TNS3: variants seen among roughly 807,000 people sequenced by gnomAD.
The protein encoded by TNS3 is tensin-3.
TNS3 carries 45 observed loss-of-function variants against 140.9 expected under a neutral mutation model. The ratio of observed to expected loss-of-function variants is 0.32; its 90% CI spans 0.25 to 0.41. The LOEUF (loss-of-function observed/expected upper bound fraction) is 0.41. Ranked by LOEUF, TNS3 falls within the 10% of genes least tolerant of loss-of-function variation. The probability of loss-of-function intolerance (pLI) is 1.00; values close to 1 mark genes in which losing one functional copy is unlikely to be tolerated. For missense variants in TNS3, 1,716 were observed against 1,906.7 expected (o/e 0.90, Z 1.86); for synonymous variants, 815 against 788.4 (o/e 1.03, Z -0.56).
chr7:47,452,794 AG>A (rs781584184), intron 4 of TNS3: 27 of 410,762 alleles, frequency 6.6e-5, no homozygotes, highest in Non-Finnish European at 8.2e-5. Context: ...TTGAAGTGAA[AG>A]GGGAAAAATG....
At chr7:47,553,835 C>G (rs1162325030) in intron 1 of TNS3, among the ~76,000 whole-genome samples, 1 of 151,754 alleles carries the variant, frequency 6.6e-6, no homozygotes, top group Non-Finnish European at 1.5e-5. Flanking sequence ...TTTGCCCAGG[C>G]TGGAGTGCAA....
At chr7:47,510,860 T>TAA (rs34323744) in intron 2 of TNS3, among the ~76,000 whole-genome samples, 47,355 of 127,928 alleles carry the variant, frequency 0.37, 9,675 homozygotes, top group Non-Finnish European at 0.48. Context: ...AGACTGTCTT[T>TAA]AAAAAAAAAA....
At chr7:47,413,855 G>A (rs549488353) in intron 12 of TNS3, 82 bp downstream of exon 12, 44 of 1,542,326 alleles carry the variant, frequency 2.9e-5, no homozygotes, top group Admixed American at 1.7e-4. Flanking sequence ...CTCTTCCTGC[G>A]GGACAGGCAG....
intron 17 of TNS3, among the ~76,000 whole-genome samples, chr7:47,357,887 A>G (rs963823387): frequency 5.9e-5 from 9 of 152,240 alleles, no homozygotes; most frequent in Non-Finnish European, 5.9e-5. Flanking sequence ...ATACGTCCAC[A>G]CAACGAAGCC....
chr7:47,389,110 A>T (rs59646813), intron 16 of TNS3, among the ~76,000 whole-genome samples: 87 of 6,578 alleles, frequency 0.013, 24 homozygotes, highest in Middle Eastern at 0.1. Flanking sequence ...AAGCGGAAGC[A>T]GAAGAAGAAG....
chr7:47,565,067 G>C (rs1800399614), intron 1 of TNS3, among the ~76,000 whole-genome samples: 1 of 151,332 alleles, frequency 6.6e-6, no homozygotes, highest in African/African-American at 2.4e-5. Context: ...CAGAAATGTT[G>C]ATTTTTTTAT....
intron 13 of TNS3, among the ~76,000 whole-genome samples, chr7:47,401,876 GCTGGATT>G (rs1793187009): frequency 6.6e-6 from 1 of 152,234 alleles, no homozygotes; most frequent in Non-Finnish European, 1.5e-5. Flanking sequence ...CCCTGGACAG[GCTGGATT>G]CTGCTCTCAG....
chr7:47,389,154 A>C (rs113706373), intron 16 of TNS3, among the ~76,000 whole-genome samples: 59,005 of 82,458 alleles, frequency 0.72, 27,080 homozygotes, highest in East Asian at 0.83. Context: ...GAAGAAGAAG[A>C]AGCAGAAGAA....
chr7:47,376,391 G>A (rs1002690315), intron 16 of TNS3, among the ~76,000 whole-genome samples: 9 of 152,320 alleles, frequency 5.9e-5, no homozygotes, highest in African/African-American at 1.7e-4. Flanking sequence ...GACAAACAGA[G>A]AGAATTCTGG....
chr7:47,582,119 G>A (rs1030343892), upstream of TNS3: 1 of 151,470 alleles, frequency 6.6e-6, no homozygotes, highest in East Asian at 2.0e-4. Flanking sequence ...AGTAGCGCGC[G>A]GGCGGGCCCG....
At chr7:47,300,838 G>A (rs769158823) in intron 23 of TNS3, among the ~76,000 whole-genome samples, 40 of 152,232 alleles carry the variant, frequency 2.6e-4, no homozygotes, top group African/African-American at 6.5e-4. Context: ...GCATCCGGCC[G>A]CAGAGAGGCC....
intron 1 of TNS3, among the ~76,000 whole-genome samples, chr7:47,572,260 G>C (rs1402486993): frequency 1.3e-5 from 2 of 152,232 alleles, no homozygotes; most frequent in Non-Finnish European, 2.9e-5. Context: ...AGTCATAAAT[G>C]GGAGGGTGAC....
rs192589455 is a variant in TNS3, at chr7:47,410,154, G to A, written c.723+1573C>T. Among the ~76,000 whole-genome samples, 10 of 152,268 alleles carry A rather than the reference G, an allele frequency of 6.6e-5. No individual in the cohort carries two copies. In the East Asian group the frequency reaches 1.9e-3, roughly 29 times the overall value. The stretch of plus-strand genomic sequence containing the variant: ...GGCTGCCTTCTGGACCACAGGATGT[G>A]AGGAACACCAGAGCGGATGTTTCTC... On this transcript the variant is annotated intron_variant, in intron 13 of 30. Coordinates refer to ENST00000311160, the MANE Select transcript of TNS3 (RefSeq NM_022748.12).
At chr7:47,376,337 A>G (rs568406622) in intron 16 of TNS3, among the ~76,000 whole-genome samples, 85 of 152,358 alleles carry the variant, frequency 5.6e-4, no homozygotes, top group African/African-American at 2.0e-3. Context: ...AGCCACCCTC[A>G]GGTGAGCCAG....
In TNS3 at chr7:47,361,512, T is replaced by C. The variant is rs986228507; in HGVS notation, c.2281+6853A>G. On this transcript the variant is annotated intron_variant, in intron 17 of 30. Coordinates refer to ENST00000311160, the MANE Select transcript of TNS3 (RefSeq NM_022748.12). ...GGAGTTGAAATGAGGTGGGACTGTCTGCCTGTCTCCACTTTGTGAGGCTGT... is the reference window on the plus strand; with the variant it reads ...GGAGTTGAAATGAGGTGGGACTGTCCGCCTGTCTCCACTTTGTGAGGCTGT... Among the ~76,000 whole-genome samples the C allele has an allele frequency of 2.6e-5, 4 of 152,338 alleles. No individual in the cohort carries two copies. The East Asian group carries it at 5.8e-4, about 22-fold the overall frequency.
chr7:47,543,335 C>T (rs1210912152), intron 1 of TNS3, among the ~76,000 whole-genome samples: 2 of 152,218 alleles, frequency 1.3e-5, no homozygotes, highest in Non-Finnish European at 2.9e-5. Flanking sequence ...TCCCCAGGGC[C>T]ATGCTGGAGG....
chr7:47,349,670 G>A (rs2151019717), intron 17 of TNS3, among the ~76,000 whole-genome samples: 1 of 152,362 alleles, frequency 6.6e-6, no homozygotes, highest in East Asian at 1.9e-4. Flanking sequence ...CCTCTGTGGG[G>A]TGTGGAGATC....
intron 4 of TNS3, among the ~76,000 whole-genome samples, chr7:47,474,864 CACA>C (rs1403852068): frequency 8.1e-5 from 12 of 147,992 alleles, no homozygotes; most frequent in South Asian, 4.4e-4. Context: ...ACACCTCACA[CACA>C]ACACTTCACA....
At chr7:47,499,673 T>A (rs1411861604) in intron 3 of TNS3, among the ~76,000 whole-genome samples, 3 of 152,166 alleles carry the variant, frequency 2.0e-5, no homozygotes, top group Non-Finnish European at 4.4e-5. Flanking sequence ...GGCAACACTA[T>A]GAAGACAGTG....
Sources: gnomAD v4.1 joint callset for allele counts (sites outside exome capture counted in the v4.1 genomes callset) on GRCh38, gnomAD v4.1.1 for gene constraint, MANE v1.5 for transcripts, NCBI Gene and HGNC (gene_info 2026-07-23, HGNC 2026-07-21) for gene names.